Variants in TRAK2 observed in about 807,000 individuals in gnomAD.
The protein encoded by TRAK2 is trafficking kinesin protein 2.
TRAK2 carries 81 observed loss-of-function variants against 104.6 expected under a neutral mutation model. The ratio of observed to expected loss-of-function variants is 0.77; its 90% CI spans 0.65 to 0.93. The LOEUF is 0.93. Ranked by LOEUF, TRAK2 falls within the 40% of genes least tolerant of loss-of-function variation. The pLI is 0.00. For synonymous variants in TRAK2, 406 were observed against 394.4 expected (o/e 1.03, Z -0.35); for missense variants, 1,002 against 1,089.0 (o/e 0.92, Z 1.12).
intron 1 of TRAK2, 110 bp from the exon 2 acceptor site, chr2:201,420,816 A>G (rs1951734520): frequency 8.5e-6 from 2 of 236,332 alleles, no homozygotes; most frequent in Non-Finnish European, 1.7e-5. Flanking sequence ...TTCATACAAC[A>G]TGGATAAATC....
At chr2:201,424,389 TA>T (rs1553623555) in intron 1 of TRAK2, among the ~76,000 whole-genome samples, 4 of 152,136 alleles carry the variant, frequency 2.6e-5, no homozygotes, top group Non-Finnish European at 5.9e-5. Context: ...TGATACATTT[TA>T]AAAAAACAGA....
chr2:201,410,677 A>C, intron 2 of TRAK2: 2 of 1,312,640 alleles, frequency 1.5e-6, no homozygotes, highest in East Asian at 2.3e-5. Context: ...TATCATGTTC[A>C]TCTGTGTTCC....
chr2:201,426,246 G>C (rs1171778255), intron 1 of TRAK2, among the ~76,000 whole-genome samples: 1 of 152,116 alleles, frequency 6.6e-6, no homozygotes, highest in East Asian at 1.9e-4. Context: ...GATTCTCATA[G>C]GAGCTCGAAA....
At chr2:201,419,683 A>G (rs1951723733) in intron 2 of TRAK2, among the ~76,000 whole-genome samples, 1 of 152,226 alleles carries the variant, frequency 6.6e-6, no homozygotes, top group African/African-American at 2.4e-5. Context: ...TATACTTAAA[A>G]TGAGTGTATT....
rs1289993700 is a variant in TRAK2, at chr2:201,379,913, GC to G, written c.*629del. 6.6e-6 allele frequency: 1 copy of G among 151,912 alleles called. No individual in the cohort carries two copies. The highest frequency in any genetic ancestry group is 1.5e-5 in the Non-Finnish European group (1 of 68,022). The allele number at this position is 151,912 out of a possible 1,614,324, so 9.4% of individuals were successfully genotyped here. ...TTGAGTGGTATTTGGGCTCCCAGGG[GC>G]TCAAAGGCCTGAAAACAGAAAGGAA... On this transcript the variant is annotated 3_prime_UTR_variant, in exon 16 of 16. Transcript: ENST00000332624.
Position 201,378,288 on chromosome 2 carries a change from CATTT to C in TRAK2, c.*2251_*2254del, listed in dbSNP as rs1451665728. On this transcript the variant is annotated 3_prime_UTR_variant, in exon 16 of 16. Transcript: ENST00000332624. ...CCCACCACCCTGCCTCCAAAGTGAT[CATTT>C]AGTCATTAATTATAAAAAAGTATAC... 1 of 152,090 alleles carries C rather than the reference CATTT, an allele frequency of 6.6e-6. No homozygotes were observed. Among genetic ancestry groups the C allele is most frequent in the African/African-American group, 2.4e-5 (1 of 41,388 alleles). The allele number at this position is 152,090 out of a possible 1,614,324, so 9.4% of individuals were successfully genotyped here.
intron 2 of TRAK2, among the ~76,000 whole-genome samples, chr2:201,415,302 A>G (rs1471297057): frequency 2.6e-5 from 4 of 152,156 alleles, no homozygotes; most frequent in African/African-American, 9.7e-5. Flanking sequence ...ACAAAACCTA[A>G]ACACCTAACA....
rs1951308266 is a variant in TRAK2, at chr2:201,378,462, C to T, written c.*2081G>A. 1 of 152,050 alleles carries T rather than the reference C, an allele frequency of 6.6e-6. No homozygotes were observed. Among genetic ancestry groups the T allele is most frequent in the African/African-American group, 2.4e-5 (1 of 41,386 alleles). The allele number at this position is 152,050 out of a possible 1,614,324, so 9.4% of individuals were successfully genotyped here. A position where few individuals can be genotyped will look rare whatever the true frequency, so the allele number is the denominator to read the frequency against. On this transcript the variant is annotated 3_prime_UTR_variant, in exon 16 of 16. Coordinates refer to ENST00000332624, the MANE Select transcript of TRAK2 (RefSeq NM_015049.3). ...GATGTTTCCTGGAAACTGTAACTGT[C>T]CAGGCAACAGAAACAGTAATTACTT... is the stretch of plus-strand genomic sequence containing the variant.
Position 201,380,325 on chromosome 2 carries a change from T to C in TRAK2, c.*218A>G. ...GTATATTAAACCTTTCTTTTCTCCC[T>C]CTGAACACTCATGGCCCATTCATTT... is the stretch of plus-strand genomic sequence containing the variant. On this transcript the variant is annotated 3_prime_UTR_variant, in exon 16 of 16. Coordinates refer to ENST00000332624, the MANE Select transcript of TRAK2 (RefSeq NM_015049.3). 1.7e-6 allele frequency: 1 copy of C among 584,560 alleles called. No homozygotes were observed. 36.2% of individuals were successfully genotyped at this position (584,560 alleles called of 1,614,324 possible).
At chr2:201,399,562 T>C (rs1951532130) in intron 4 of TRAK2, 69 bp from the exon 5 acceptor site, 2 of 1,132,350 alleles carry the variant, frequency 1.8e-6, no homozygotes, top group Middle Eastern at 2.1e-4. Context: ...AGAAATTTTG[T>C]GGTCAGTTTT....
chr2:201,411,853 T>G, intron 2 of TRAK2: 1 of 885,356 alleles, frequency 1.1e-6, no homozygotes. Context: ...TTTTTAATTC[T>G]TGGTATCAAA....
chr2:201,448,135 C>T (rs1951977719), intron 1 of TRAK2, among the ~76,000 whole-genome samples: 1 of 152,212 alleles, frequency 6.6e-6, no homozygotes, highest in South Asian at 2.1e-4. Flanking sequence ...ATCTGTGACT[C>T]TGAGCAAGTC....
intron 6 of TRAK2, chr2:201,397,806 T>C (rs1244400819): frequency 5.4e-6 from 3 of 553,608 alleles, no homozygotes. Flanking sequence ...TCACAGAATA[T>C]TGTGATTTTC....
chr2:201,426,244 T>C (rs1040091899), intron 1 of TRAK2, among the ~76,000 whole-genome samples: 1 of 152,120 alleles, frequency 6.6e-6, no homozygotes. Flanking sequence ...TAGATTCTCA[T>C]AGGAGCTCGA....
Position 201,422,244 on chromosome 2 carries a change from A to G in TRAK2, c.-199-1538T>C, listed in dbSNP as rs375388825. Among the ~76,000 whole-genome samples, 441 of 150,926 alleles carry G rather than the reference A, an allele frequency of 2.9e-3. 1 individual carries two copies. The highest frequency in any genetic ancestry group is 8.4e-3 in the African/African-American group (344 of 41,042). On this transcript the variant is annotated intron_variant, in intron 1 of 15. Coordinates refer to ENST00000332624, the MANE Select transcript of TRAK2 (RefSeq NM_015049.3). ...GCCCATACGGTATTGGTTTGGGGGG[A>G]AAAAAAAAGCACATACCACACAACT...
At chr2:201,410,695 G>T in intron 2 of TRAK2, 1 of 1,354,540 alleles carries the variant, frequency 7.4e-7, no homozygotes, top group Non-Finnish European at 1.1e-6. Context: ...TCCCATTACT[G>T]AACTGCCCGT....
At position 201,380,389 on chromosome 2, in the gene TRAK2, T is replaced by C; in HGVS notation, c.*154A>G. 2 of 797,268 alleles carry C rather than the reference T, an allele frequency of 2.5e-6. No individual in the cohort carries two copies. Among genetic ancestry groups the C allele is most frequent in the Non-Finnish European group, 3.9e-6 (2 of 507,270 alleles). The allele number at this position is 797,268 out of a possible 1,614,324, so 49.4% of individuals were successfully genotyped here. A position where few individuals can be genotyped will look rare whatever the true frequency, so the allele number is the denominator to read the frequency against. Reference sequence around the variant, plus strand: ...GCCCGACTTCCTCCATTAGGGCTCATCCCAATTTTATTTCCATTCCTCCAT... The same window carrying C: ...GCCCGACTTCCTCCATTAGGGCTCACCCCAATTTTATTTCCATTCCTCCAT... On this transcript the variant is annotated 3_prime_UTR_variant, in exon 16 of 16. Transcript: ENST00000332624.
intron 3 of TRAK2, among the ~76,000 whole-genome samples, chr2:201,406,644 T>A (rs1951597201): frequency 6.6e-6 from 1 of 152,240 alleles, no homozygotes; most frequent in Non-Finnish European, 1.5e-5. Context: ...ATTAAAGGAA[T>A]TTCACAAACA....
intron 8 of TRAK2, 32 bp downstream of exon 8, chr2:201,395,282 C>T: frequency 6.4e-7 from 1 of 1,574,278 alleles, no homozygotes; most frequent in Non-Finnish European, 8.7e-7. Flanking sequence ...GAGTGCTTAA[C>T]AAATATCTGT....
Sources: allele counts gnomAD v4.1 joint callset (sites outside exome capture counted in the v4.1 genomes callset), GRCh38; gene constraint gnomAD v4.1.1; transcripts MANE v1.5; gene names NCBI Gene and HGNC (gene_info 2026-07-23, HGNC 2026-07-21).